AAMDC: variants seen among roughly 807,000 people sequenced by gnomAD.
AAMDC encodes mth938 domain-containing protein.
Under a neutral mutation model 15.5 loss-of-function variants are expected in AAMDC, and 16 were observed. The observed-to-expected ratio is 1.03, with a 90% CI of 0.70 to 1.57. The LOEUF (loss-of-function observed/expected upper bound fraction) is 1.57, where lower values mean the gene tolerates loss of function less well. Among genes scored for constraint, AAMDC ranks in the 40% most tolerant of loss-of-function variants. The pLI, the probability that AAMDC is intolerant of heterozygous loss-of-function variation, is 0.00. For missense variants in AAMDC, 141 were observed against 144.9 expected (o/e 0.97, Z 0.14); for synonymous variants, 51 against 51.6 (o/e 0.99, Z 0.05).
At chr11:77,877,616 A>C (rs1489013284) in intron 5 of AAMDC, among the ~76,000 whole-genome samples, 1 of 152,236 alleles carries the variant, frequency 6.6e-6, no homozygotes, top group African/African-American at 2.4e-5. Flanking sequence ...GAATGAATAC[A>C]GGCTTTATTA....
chr11:77,824,670 C>A (rs548981073), intron 1 of AAMDC, among the ~76,000 whole-genome samples: 106 of 152,234 alleles, frequency 7.0e-4, no homozygotes, highest in Non-Finnish European at 1.3e-3. Flanking sequence ...CAAAACTAAT[C>A]TGTGGCAATA....
chr11:77,887,151 A>G (rs1952049137), intron 5 of AAMDC, among the ~76,000 whole-genome samples: 1 of 152,210 alleles, frequency 6.6e-6, no homozygotes, highest in Non-Finnish European at 1.5e-5. Context: ...AAAATTAATG[A>G]ATCCACCACC....
chr11:77,878,090 C>T (rs114915467), intron 5 of AAMDC, among the ~76,000 whole-genome samples: 4 of 152,236 alleles, frequency 2.6e-5, no homozygotes, highest in South Asian at 4.1e-4. Flanking sequence ...AAGCAAGGCG[C>T]GGTTGCTCAC....
chr11:77,874,276 C>A (rs1951538529), downstream of AAMDC, among the ~76,000 whole-genome samples: 1 of 151,984 alleles, frequency 6.6e-6, no homozygotes, highest in Non-Finnish European at 1.5e-5. Context: ...GATGACAGAT[C>A]TTTCTAGATC....
intron 2 of AAMDC, among the ~76,000 whole-genome samples, chr11:77,862,841 G>A (rs781257451): frequency 6.6e-6 from 1 of 152,170 alleles, no homozygotes; most frequent in Non-Finnish European, 1.5e-5. Flanking sequence ...TGGCCAGGTG[G>A]TACTGCAGAA....
At chr11:77,892,073 T>C (rs1952296783) in intron 5 of AAMDC, among the ~76,000 whole-genome samples, 1 of 152,230 alleles carries the variant, frequency 6.6e-6, no homozygotes, top group Non-Finnish European at 1.5e-5. Flanking sequence ...CTTAAGTGTT[T>C]TACATGATCT....
chr11:77,837,061 A>G (rs1428630247), intron 1 of AAMDC, among the ~76,000 whole-genome samples: 2 of 152,186 alleles, frequency 1.3e-5, no homozygotes, highest in Non-Finnish European at 2.9e-5. Flanking sequence ...ATGAATTTGT[A>G]TCTTCCTTCC....
At chr11:77,825,928 A>C (rs962859712) in intron 1 of AAMDC, among the ~76,000 whole-genome samples, 4 of 151,806 alleles carry the variant, frequency 2.6e-5, no homozygotes, top group Admixed American at 2.6e-4. Flanking sequence ...CTGACCTCAG[A>C]TGATCTGCTC....
chr11:77,853,004 C>T (rs1950463974), intron 2 of AAMDC, among the ~76,000 whole-genome samples: 1 of 152,034 alleles, frequency 6.6e-6, no homozygotes, highest in Non-Finnish European at 1.5e-5. Context: ...ATTGAATAAC[C>T]ATGTACATTT....
At chr11:77,873,274 T>C (rs979115252), downstream of AAMDC, among the ~76,000 whole-genome samples, 2 of 152,212 alleles carry the variant, frequency 1.3e-5, no homozygotes, top group Admixed American at 6.5e-5. Context: ...CCTGGAGTCA[T>C]TGTAGGTATT....
chr11:77,894,481 AC>A, intron 5 of AAMDC: 1 of 542,422 alleles, frequency 1.8e-6, no homozygotes, highest in Non-Finnish European at 3.3e-6. Context: ...TCTAAAAGTA[AC>A]AGAAGACTCC....
intron 5 of AAMDC, among the ~76,000 whole-genome samples, chr11:77,889,848 A>G (rs1400244792): frequency 1.3e-5 from 2 of 152,120 alleles, no homozygotes; most frequent in Admixed American, 1.3e-4. Context: ...TAGAGGTGCT[A>G]TGAAGGGGGT....
chr11:77,904,654 G>A (rs1337457311), downstream of AAMDC, among the ~76,000 whole-genome samples: 1 of 152,134 alleles, frequency 6.6e-6, no homozygotes, highest in East Asian at 1.9e-4. Flanking sequence ...AGGAATTTCT[G>A]GAATATTTAC....
intron 2 of AAMDC, among the ~76,000 whole-genome samples, chr11:77,858,473 A>G (rs772124301): frequency 6.6e-6 from 1 of 151,582 alleles, no homozygotes; most frequent in Non-Finnish European, 1.5e-5. Flanking sequence ...TTTTTGCCTA[A>G]TTATCATTTT....
At chr11:77,846,451 G>A (rs543021952) in intron 2 of AAMDC, among the ~76,000 whole-genome samples, 11 of 152,206 alleles carry the variant, frequency 7.2e-5, no homozygotes, top group African/African-American at 1.2e-4. Context: ...AAACCCCATC[G>A]TCTCCTCAAC....
In AAMDC at chr11:77,900,346, A is replaced by G. The variant is rs536140857; in HGVS notation, c.329-225A>G. Among the ~76,000 whole-genome samples, 6 of 152,180 alleles carry G rather than the reference A, an allele frequency of 3.9e-5. No homozygotes were observed. In the East Asian group the frequency reaches 5.8e-4, roughly 15 times the overall value. ...GATCTCCTGACCTCGTGATCTGCCC[A>G]CCTTGGCCTCCCAAAGTGCTGGGAT... On this transcript the variant is annotated intron_variant, in intron 5 of 5. Coordinates refer to the AAMDC transcript ENST00000304716.
In AAMDC at chr11:77,842,591, G is replaced by A; in HGVS notation, c.95G>A (p.Gly32Asp). The A allele has an allele frequency of 6.2e-7, 1 of 1,614,026 alleles. No homozygotes were observed. The highest frequency in any genetic ancestry group is 8.5e-7 in the Non-Finnish European group (1 of 1,179,950). The part of the protein sequence containing the change: ...TYKDCKVWPG[G>D]SRTWDWRETG... The stretch of plus-strand genomic sequence containing the variant: ...AAGGACTGCAAAGTATGGCCAGGGG[G>A]TAGTCGGACTTGGGATTGGAGAGAA... The change falls in exon 2 of 4, where the codon GGT becomes GAT. Residue 32 changes from glycine (G) to aspartate (D), a missense_variant. Coordinates refer to ENST00000393427, the MANE Select transcript of AAMDC (RefSeq NM_024684.4).
intron 1 of AAMDC, among the ~76,000 whole-genome samples, chr11:77,822,793 A>C (rs1205803763): frequency 2.0e-5 from 3 of 152,264 alleles, no homozygotes; most frequent in African/African-American, 7.2e-5. Flanking sequence ...TGTAAGAAAT[A>C]CTGATGTAAG....
intron 2 of AAMDC, chr11:77,855,401 C>A (rs1950572324): frequency 1.9e-5 from 3 of 155,734 alleles, no homozygotes; most frequent in African/African-American, 7.2e-5. Context: ...CTCACTGCAA[C>A]CTCCACCTCC....
Sources: allele counts gnomAD v4.1 joint callset (sites outside exome capture counted in the v4.1 genomes callset), GRCh38; gene constraint gnomAD v4.1.1; transcripts MANE v1.5; gene names NCBI Gene and HGNC (gene_info 2026-07-23, HGNC 2026-07-21).